Variants in LYSMD4 observed in about 807,000 individuals in gnomAD.
LYSMD4 encodes lysM and putative peptidoglycan-binding domain-containing protein 4.
A neutral mutation model predicts 6.1 loss-of-function variants in LYSMD4; 9 were observed. The observed-to-expected ratio is 1.47, with a 90% CI of 0.88 to 2.56. The LOEUF (loss-of-function observed/expected upper bound fraction) is 2.56, where lower values mean the gene tolerates loss of function less well. Ranked by LOEUF, LYSMD4 falls within the 30% of genes most tolerant of loss-of-function variation. The pLI, the probability that LYSMD4 is intolerant of heterozygous loss-of-function variation, is 0.00. For missense variants in LYSMD4, 384 were observed against 373.5 expected (o/e 1.03, Z -0.23); for synonymous variants, 143 against 148.5 (o/e 0.96, Z 0.27).
At chr15:99,716,866 T>TATC in exon 1 of LYSMD4, 1 of 353,518 alleles carries the variant, frequency 2.8e-6, no homozygotes. Flanking sequence ...GTATGTTAGC[T>TATC]ATCATTAGAT....
chr15:99,731,241 A>G, intron 2 of LYSMD4: 3 of 1,606,386 alleles, frequency 1.9e-6, no homozygotes, highest in Non-Finnish European at 2.6e-6. Context: ...ATAGATACAC[A>G]GCATACAAAA....
At chr15:99,718,372 C>A (rs1401365408), upstream of LYSMD4, among the ~76,000 whole-genome samples, 1 of 152,086 alleles carries the variant, frequency 6.6e-6, no homozygotes, top group African/African-American at 2.4e-5. Context: ...AGGGTTTCTT[C>A]AATGTAAAAA....
chr15:99,727,419 AG>A lies in LYSMD4; in HGVS notation c.*1703del, dbSNP rs752886233. 5 of 152,156 alleles carry A rather than the reference AG, an allele frequency of 3.3e-5. No individual in the cohort carries two copies. Among genetic ancestry groups the A allele is most frequent in the Non-Finnish European group, 7.3e-5 (5 of 68,044 alleles). 9.4% of individuals were successfully genotyped at this position (152,156 alleles called of 1,614,324 possible). On this transcript the variant is annotated 3_prime_UTR_variant, in exon 3 of 3. Coordinates refer to ENST00000684762, the MANE Select transcript of LYSMD4 (RefSeq NM_001284417.2). Reference sequence around the variant, plus strand: ...GGGGGAATCAATTTTCCTCCACAGAAGAAATAATTTTATTCCATTTGAGAAA... The same window carrying A: ...GGGGGAATCAATTTTCCTCCACAGAAAAATAATTTTATTCCATTTGAGAAA...
downstream of LYSMD4, among the ~76,000 whole-genome samples, chr15:99,726,381 T>C (rs2059282740): frequency 6.6e-6 from 1 of 152,004 alleles, no homozygotes; most frequent in South Asian, 2.1e-4. Flanking sequence ...TAACCTCAAG[T>C]GATCCATCCG....
At chr15:99,731,360 T>C (rs2141135426) in intron 2 of LYSMD4, 1 of 1,612,832 alleles carries the variant, frequency 6.2e-7, no homozygotes, top group Non-Finnish European at 8.5e-7. Flanking sequence ...AAGCATACCA[T>C]AGAAATCCGG....
downstream of LYSMD4, among the ~76,000 whole-genome samples, chr15:99,722,632 A>T (rs1211275504): frequency 6.6e-6 from 1 of 152,256 alleles, no homozygotes; most frequent in Admixed American, 6.5e-5. Context: ...GATGTGAAAC[A>T]GCTATTACAA....
downstream of LYSMD4, among the ~76,000 whole-genome samples, chr15:99,723,210 G>A (rs180985829): frequency 6.6e-6 from 1 of 152,026 alleles, no homozygotes; most frequent in East Asian, 1.9e-4. Context: ...AGTTTTCAAA[G>A]AAACAATGGC....
Position 99,733,357 on chromosome 15 carries a change from G to C in LYSMD4, c.-21C>G, listed in dbSNP as rs1433698249. 1 of 394,496 alleles carries C rather than the reference G, an allele frequency of 2.5e-6. No individual in the cohort carries two copies. The highest frequency in any genetic ancestry group is 2.1e-5 in the African/African-American group (1 of 48,370). The allele number at this position is 394,496 out of a possible 1,614,324, so 24.4% of individuals were successfully genotyped here. A position where few individuals can be genotyped will look rare whatever the true frequency, so the allele number is the denominator to read the frequency against. On this transcript the variant is annotated 5_prime_UTR_variant, in exon 1 of 3. Transcript: ENST00000684762. Reference sequence around the variant, plus strand: ...CAGGCCCCGGTACCTCAGCGCCCAGGCTCCGCCGCGACCGGCGACCGGCGA... The same window carrying C: ...CAGGCCCCGGTACCTCAGCGCCCAGCCTCCGCCGCGACCGGCGACCGGCGA...
At chr15:99,721,332 C>T (rs1249246840), upstream of LYSMD4, among the ~76,000 whole-genome samples, 1 of 152,188 alleles carries the variant, frequency 6.6e-6, no homozygotes, top group Admixed American at 6.5e-5. Flanking sequence ...GGGAGGAGCA[C>T]TGATCTCAAA....
At chr15:99,715,929 GAAC>G (rs1221573330) in exon 1 of LYSMD4, 2 of 152,664 alleles carry the variant, frequency 1.3e-5, no homozygotes, top group East Asian at 3.9e-4. Flanking sequence ...TGTTCTACAA[GAAC>G]AATACATGTT....
chr15:99,729,021 TC>T lies in LYSMD4; in HGVS notation c.*101del, dbSNP rs1567551553. ...GTGACTTCTGAAAAGTGTCCATCCT[TC>T]CCCGGAAGCAAAATGCAGCACCCCT... is the stretch of plus-strand genomic sequence containing the variant. On this transcript the variant is annotated 3_prime_UTR_variant, in exon 3 of 3. Coordinates refer to ENST00000684762, the MANE Select transcript of LYSMD4 (RefSeq NM_001284417.2). 6.7e-7 allele frequency: 1 copy of T among 1,491,142 alleles called. No individual in the cohort carries two copies. The highest frequency in any genetic ancestry group is 9.1e-7 in the Non-Finnish European group (1 of 1,098,924). 92.4% of individuals were successfully genotyped at this position (1,491,142 alleles called of 1,614,324 possible).
chr15:99,718,389 C>T (rs111403919), upstream of LYSMD4, among the ~76,000 whole-genome samples: 316 of 151,920 alleles, frequency 2.1e-3, 2 homozygotes, highest in African/African-American at 7.3e-3. Context: ...AAAAGTTTCT[C>T]TCCCTTTGTA....
chr15:99,726,146 G>T (rs141964459), downstream of LYSMD4, among the ~76,000 whole-genome samples: 55 of 62,186 alleles, frequency 8.8e-4, no homozygotes, highest in South Asian at 2.8e-3. Flanking sequence ...GTCTCAAGTG[G>T]TTTTTTTTTT....
chr15:99,726,156 T>TTTG (rs1555507917), downstream of LYSMD4, among the ~76,000 whole-genome samples: 5 of 136,596 alleles, frequency 3.7e-5, no homozygotes, highest in African/African-American at 1.3e-4. Flanking sequence ...GTTTTTTTTT[T>TTTG]TTTTTTTTTT....
intron 2 of LYSMD4, 71 bp downstream of exon 2, chr15:99,731,647 C>A (rs1263037326): frequency 6.6e-7 from 1 of 1,522,946 alleles, no homozygotes; most frequent in Non-Finnish European, 8.8e-7. Context: ...GCGGCAAGGG[C>A]ACCCACCCTG....
At chr15:99,716,762 G>C (rs1382947320) in exon 1 of LYSMD4, 2 of 452,186 alleles carry the variant, frequency 4.4e-6, no homozygotes, top group Non-Finnish European at 8.9e-6. Context: ...TAATCTGGCT[G>C]TTGCATGCAC....
At chr15:99,724,469 A>T (rs2059262079), downstream of LYSMD4, among the ~76,000 whole-genome samples, 1 of 152,206 alleles carries the variant, frequency 6.6e-6, no homozygotes, top group African/African-American at 2.4e-5. Flanking sequence ...CACCATGTTC[A>T]GCCTAGGCTG....
At position 99,729,231 on chromosome 15, in the gene LYSMD4, C is replaced by T. The variant is rs146387788; in HGVS notation, c.783G>A (p.Ser261=). 1.2e-3 allele frequency: 1,866 copies of T among 1,614,082 alleles called. 2 individuals carry two copies. The highest frequency in any genetic ancestry group is 1.5e-3 in the Non-Finnish European group (1,746 of 1,180,044). The change falls in exon 3 of 3, where the codon TCG becomes TCA. Residue 261 remains serine (S), a synonymous_variant. Coordinates refer to ENST00000684762, the MANE Select transcript of LYSMD4 (RefSeq NM_001284417.2). ...GCCCTGGAACTGTACCCATTGCCAT[C>T]GAGCCATTGGGGATGACAGTTGTGT... ...SLNTTVIPNG[S]MAMGTVPGQA...
chr15:99,716,151 A>G (rs2059131262), exon 1 of LYSMD4: 1 of 166,136 alleles, frequency 6.0e-6, no homozygotes, highest in South Asian at 1.5e-4. Context: ...TTGCTGTGCA[A>G]GAAGACACTG....
Sources: allele counts gnomAD v4.1 joint callset (sites outside exome capture counted in the v4.1 genomes callset), GRCh38; gene constraint gnomAD v4.1.1; transcripts MANE v1.5; gene names NCBI Gene and HGNC (gene_info 2026-07-23, HGNC 2026-07-21).